Variants in CCDC141 observed in about 807,000 individuals in gnomAD.
The protein encoded by CCDC141 is coiled-coil domain containing 141.
CCDC141 carries 168 observed loss-of-function variants against 181.0 expected under a neutral mutation model. The ratio of observed to expected loss-of-function variants is 0.93; its 90% CI spans 0.82 to 1.05. The LOEUF is 1.05. CCDC141 is among the 50% of genes least tolerant of loss of function. CCDC141 has a pLI of 0.00. For missense variants in CCDC141, 1,902 were observed against 1,788.5 expected (o/e 1.06, Z -1.14); for synonymous variants, 666 against 642.3 (o/e 1.04, Z -0.56).
intron 7 of CCDC141, 29 bp downstream of exon 7, chr2:178,918,684 G>GA: frequency 6.5e-7 from 1 of 1,536,598 alleles, no homozygotes; most frequent in African/African-American, 1.4e-5. Flanking sequence ...CCTGATTACC[G>GA]AAAATTATCA....
At position 178,884,179 on chromosome 2, in the gene CCDC141, T is replaced by C. The variant is rs114964631; in HGVS notation, c.1719+722A>G. ...CAGTATCCACATGCACAAATTTGTA[T>C]GATTTTTAATACAACAACTTATTTT... On this transcript the variant is annotated intron_variant, in intron 11 of 23. Transcript: ENST00000443758. Among the ~76,000 whole-genome samples the C allele has an allele frequency of 4.3e-3, 658 of 151,862 alleles. 7 individuals carry two copies. The highest frequency in any genetic ancestry group is 0.015 in the African/African-American group (633 of 41,382).
intron 2 of CCDC141, among the ~76,000 whole-genome samples, chr2:178,993,983 T>C (rs1692171415): frequency 6.6e-6 from 1 of 152,216 alleles, no homozygotes; most frequent in Non-Finnish European, 1.5e-5. Context: ...CTTAGGCAGA[T>C]CTGCCCCTGT....
intron 4 of CCDC141, 144 bp from the exon 5 acceptor site, chr2:178,961,627 A>G: frequency 2.7e-6 from 2 of 740,470 alleles, no homozygotes; most frequent in Middle Eastern, 4.0e-4. Context: ...AAATATGTAA[A>G]CAGAAACTGC....
At chr2:178,974,369 A>T (rs1433575636) in intron 4 of CCDC141, among the ~76,000 whole-genome samples, 1 of 152,144 alleles carries the variant, frequency 6.6e-6, no homozygotes, top group African/African-American at 2.4e-5. Context: ...TGTTTCTATC[A>T]ATTTATCTAA....
chr2:178,906,634 C>G (rs1017561725), intron 7 of CCDC141, among the ~76,000 whole-genome samples: 1 of 152,164 alleles, frequency 6.6e-6, no homozygotes, highest in Non-Finnish European at 1.5e-5. Context: ...GAAGTGTAGC[C>G]TCCCTGGGTT....
chr2:179,022,861 C>G (rs2042726550), intron 2 of CCDC141, among the ~76,000 whole-genome samples: 1 of 152,172 alleles, frequency 6.6e-6, no homozygotes, highest in Non-Finnish European at 1.5e-5. Context: ...CATCTTGATG[C>G]TATGTGACGT....
chr2:179,032,453 C>T, intron 2 of CCDC141, among the ~76,000 whole-genome samples: 1 of 152,274 alleles, frequency 6.6e-6, no homozygotes, highest in Middle Eastern at 3.4e-3. Context: ...CTCTCTGACC[C>T]TTGGATCCTT....
intron 2 of CCDC141, among the ~76,000 whole-genome samples, chr2:178,988,821 C>T (rs1691888436): frequency 6.6e-6 from 1 of 151,986 alleles, no homozygotes; most frequent in African/African-American, 2.4e-5. Flanking sequence ...GGGTAATGGC[C>T]TAGAATTGAG....
At chr2:178,834,536 C>T (rs1356008054) in intron 23 of CCDC141, 96 bp from the exon 24 acceptor site, 4 of 1,312,340 alleles carry the variant, frequency 3.0e-6, no homozygotes, top group African/African-American at 1.5e-5. Flanking sequence ...ATTACCACTG[C>T]AATATTCTCT....
Position 179,049,874 on chromosome 2 carries a change from G to C in CCDC141, c.68C>G (p.Ala23Gly). ...TTTVSSVAVQAGDSKIVIAVI... is the reference protein window; with the variant it reads ...TTTVSSVAVQGGDSKIVIAVI... ...AGCTATAACGATTTTGGAGTCCCCAGCCTGCACAGCAACTGAACTGACTGT... is the reference window on the plus strand; with the variant it reads ...AGCTATAACGATTTTGGAGTCCCCACCCTGCACAGCAACTGAACTGACTGT... Residue 23 changes from alanine (A) to glycine (G), a missense_variant, in exon 1 of 24, where the codon GCT becomes GGT. By Grantham distance (60) the Ala-to-Gly change is moderately conservative. Coordinates refer to ENST00000443758, the MANE Select transcript of CCDC141 (RefSeq NM_173648.4). 6.4e-7 allele frequency: 1 copy of C among 1,550,784 alleles called. No individual in the cohort carries two copies. The highest frequency in any genetic ancestry group is 8.7e-7 in the Non-Finnish European group (1 of 1,146,962).
At chr2:179,047,008 T>G (rs1477488457) in intron 2 of CCDC141, among the ~76,000 whole-genome samples, 7 of 152,192 alleles carry the variant, frequency 4.6e-5, no homozygotes, top group Admixed American at 4.6e-4. Context: ...GGAGTTTTTT[T>G]CCCACTGAGG....
rs889359487 is a variant in CCDC141 at position 178,830,521 on chromosome 2, T to C, written c.*3652A>G. ...GAAAAACAAGCTAGGTTTATCTTTG[T>C]TTACCTTTGGCAACAATTCAATTCA... On this transcript the variant is annotated 3_prime_UTR_variant, in exon 24 of 24. Transcript: ENST00000443758. 6.6e-6 allele frequency: 1 copy of C among 152,256 alleles called. No individual in the cohort carries two copies. The highest frequency in any genetic ancestry group is 1.5e-5 in the Non-Finnish European group (1 of 68,064). 9.4% of individuals were successfully genotyped at this position (152,256 alleles called of 1,614,324 possible).
rs374244984 is a variant in CCDC141 at position 178,867,991 on chromosome 2, A to T, written c.2574+35T>A. ...TATGCTAGCCCAAGCCCCAGCTAGA[A>T]CTGAGTCTAAATGATAGTGTTATTA... On this transcript the variant is annotated intron_variant, in intron 16 of 23. Coordinates refer to ENST00000443758, the MANE Select transcript of CCDC141 (RefSeq NM_173648.4). 2.7e-4 allele frequency: 413 copies of T among 1,539,692 alleles called. 1 individual carries two copies. The highest frequency in any genetic ancestry group is 3.3e-4 in the Non-Finnish European group (372 of 1,125,070).
intron 2 of CCDC141, among the ~76,000 whole-genome samples, chr2:178,991,430 AT>A (rs71023465): frequency 6.6e-5 from 10 of 151,902 alleles, no homozygotes; most frequent in African/African-American, 2.2e-4. Flanking sequence ...TCTCTTCAAA[AT>A]TTTTTTTAAC....
At chr2:178,843,781 T>G (rs375457315) in intron 22 of CCDC141, among the ~76,000 whole-genome samples, 2 of 152,196 alleles carry the variant, frequency 1.3e-5, no homozygotes, top group African/African-American at 4.8e-5. Context: ...TTGTGGAGAA[T>G]CATTACATCT....
intron 5 of CCDC141, among the ~76,000 whole-genome samples, chr2:178,958,658 G>A (rs991353620): frequency 2.0e-5 from 3 of 151,936 alleles, no homozygotes; most frequent in African/African-American, 7.3e-5. Flanking sequence ...CAAGCATGTG[G>A]CTGGGTTAGA....
the CCDC141 span, chr2:178,817,556 A>G: frequency 1.5e-5 from 7 of 470,958 alleles, no homozygotes; most frequent in Non-Finnish European, 3.1e-5. Flanking sequence ...CTTAGAAGTC[A>G]TCTTTGAACC....
chr2:178,936,115 T>G (rs185404190), intron 6 of CCDC141, among the ~76,000 whole-genome samples: 3 of 152,172 alleles, frequency 2.0e-5, no homozygotes, highest in Non-Finnish European at 2.9e-5. Flanking sequence ...ATCCCACTTG[T>G]CAATTTTTGC....
At chr2:178,927,620 C>G (rs753118874) in intron 6 of CCDC141, among the ~76,000 whole-genome samples, 3 of 152,120 alleles carry the variant, frequency 2.0e-5, no homozygotes, top group Non-Finnish European at 4.4e-5. Flanking sequence ...ATAAGAGTTT[C>G]CTATAGGAAG....
Sources: gnomAD v4.1 joint callset for allele counts (sites outside exome capture counted in the v4.1 genomes callset) on GRCh38, gnomAD v4.1.1 for gene constraint, MANE v1.5 for transcripts, NCBI Gene and HGNC (gene_info 2026-07-23, HGNC 2026-07-21) for gene names.